EXOC6B: variants seen among roughly 807,000 people sequenced by gnomAD.
EXOC6B encodes the protein SEC15 homolog B.
EXOC6B carries 54 observed loss-of-function variants against 113.5 expected under a neutral mutation model. The observed-to-expected ratio is 0.48, with a 90% CI of 0.38 to 0.60. The LOEUF (loss-of-function observed/expected upper bound fraction) is 0.60. EXOC6B is among the 20% of genes least tolerant of loss of function. The pLI, the probability that EXOC6B is intolerant of heterozygous loss-of-function variation, is 0.00. For missense variants in EXOC6B, 797 were observed against 977.5 expected, an observed-to-expected ratio of 0.82 and a Z score of 2.46; for synonymous variants, 357 against 339.0, an observed-to-expected ratio of 1.05 and a Z score of -0.58.
chr2:72,753,794 C>T (rs1682215046), intron 1 of EXOC6B, among the ~76,000 whole-genome samples: 1 of 152,164 alleles, frequency 6.6e-6, no homozygotes, highest in African/African-American at 2.4e-5. Flanking sequence ...TTCCCTCTGC[C>T]TGCAATGTCC....
chr2:72,746,760 C>T (rs1371492279), intron 1 of EXOC6B, among the ~76,000 whole-genome samples: 1 of 151,980 alleles, frequency 6.6e-6, no homozygotes, highest in African/African-American at 2.4e-5. Context: ...AAACCTGTAA[C>T]CCAAGATGAA....
intron 3 of EXOC6B, among the ~76,000 whole-genome samples, chr2:72,732,210 G>A (rs911664292): frequency 3.3e-5 from 5 of 152,092 alleles, no homozygotes; most frequent in African/African-American, 7.2e-5. Context: ...GTGCAGTGGC[G>A]CAATCATGCC....
At chr2:72,269,064 C>T (rs1684317979) in intron 20 of EXOC6B, among the ~76,000 whole-genome samples, 1 of 152,114 alleles carries the variant, frequency 6.6e-6, no homozygotes, top group South Asian at 2.1e-4. Context: ...ATGGGCTTGC[C>T]TAGGCCTGGG....
chr2:72,764,364 C>CTTTTTTTTTTT (rs397869115), intron 1 of EXOC6B, among the ~76,000 whole-genome samples: 27 of 66,806 alleles, frequency 4.0e-4, no homozygotes, highest in East Asian at 6.0e-4. Context: ...TATTTTCTCT[C>CTTTTTTTTTTT]TTTTTTTTTT....
intron 20 of EXOC6B, among the ~76,000 whole-genome samples, chr2:72,195,143 G>A (rs544821698): frequency 6.6e-6 from 1 of 152,028 alleles, no homozygotes; most frequent in Non-Finnish European, 1.5e-5. Flanking sequence ...TTTCTCTCTT[G>A]GTAAAGAGAA....
chr2:72,657,441 A>G (rs1435953812), intron 6 of EXOC6B, among the ~76,000 whole-genome samples: 1 of 151,442 alleles, frequency 6.6e-6, no homozygotes, highest in Non-Finnish European at 1.5e-5. Flanking sequence ...CATATTGGCC[A>G]GGCTGGTCTC....
intron 20 of EXOC6B, among the ~76,000 whole-genome samples, chr2:72,230,899 T>TGAA (rs1432711848): frequency 6.6e-6 from 1 of 152,166 alleles, no homozygotes; most frequent in Non-Finnish European, 1.5e-5. Context: ...ATTCCTAAGA[T>TGAA]GAAGAAACAG....
chr2:72,696,322 T>C (rs1233179265), intron 6 of EXOC6B, among the ~76,000 whole-genome samples: 2 of 152,226 alleles, frequency 1.3e-5, no homozygotes, highest in African/African-American at 4.8e-5. Context: ...TCCTGTGGTT[T>C]GTAAATAATG....
intron 18 of EXOC6B, among the ~76,000 whole-genome samples, chr2:72,388,308 G>A (rs749248510): frequency 6.6e-6 from 1 of 152,100 alleles, no homozygotes; most frequent in Non-Finnish European, 1.5e-5. Flanking sequence ...TTGAGAAAGA[G>A]GTTATTTAGA....
rs975611587 is a variant in EXOC6B at position 72,176,024 on chromosome 2, C to G, written c.*3311G>C. ...GTATGTAGGCTTTCTTGTTTAATAGCAGTTAAAAGAGGAAAATGTACAAGA... is the reference window on the plus strand; with the variant it reads ...GTATGTAGGCTTTCTTGTTTAATAGGAGTTAAAAGAGGAAAATGTACAAGA... On this transcript the variant is annotated 3_prime_UTR_variant, in exon 22 of 22. Transcript: ENST00000272427. 1.3e-5 allele frequency: 2 copies of G among 152,186 alleles called. No individual in the cohort carries two copies. Among genetic ancestry groups the G allele is most frequent in the African/African-American group, 4.8e-5 (2 of 41,448 alleles). 9.4% of individuals were successfully genotyped at this position (152,186 alleles called of 1,614,324 possible).
intron 6 of EXOC6B, among the ~76,000 whole-genome samples, chr2:72,632,810 T>C (rs868583925): frequency 3.3e-5 from 5 of 152,104 alleles, no homozygotes; most frequent in Non-Finnish European, 5.9e-5. Context: ...GCCTCCCAAA[T>C]AGCTGGGACT....
At chr2:72,220,112 T>C (rs1680775116) in intron 20 of EXOC6B, among the ~76,000 whole-genome samples, 1 of 152,188 alleles carries the variant, frequency 6.6e-6, no homozygotes, top group Non-Finnish European at 1.5e-5. Context: ...AAATACTACA[T>C]AAATGTTTTA....
intron 20 of EXOC6B, among the ~76,000 whole-genome samples, chr2:72,266,142 T>C (rs1359693496): frequency 6.6e-6 from 1 of 152,114 alleles, no homozygotes; most frequent in Non-Finnish European, 1.5e-5. Flanking sequence ...TCATTGTAGA[T>C]TCTGGATATT....
At chr2:72,441,902 T>C (rs577985122) in intron 18 of EXOC6B, among the ~76,000 whole-genome samples, 1 of 152,208 alleles carries the variant, frequency 6.6e-6, no homozygotes, top group Non-Finnish European at 1.5e-5. Flanking sequence ...ATGCAATCTA[T>C]GAGGCCAGCC....
intron 1 of EXOC6B, among the ~76,000 whole-genome samples, chr2:72,819,728 C>T (rs1051071489): frequency 1.2e-4 from 18 of 152,190 alleles, no homozygotes; most frequent in Non-Finnish European, 1.8e-4. Flanking sequence ...TACCATGGCA[C>T]CCCATCTACA....
Position 72,545,710 on chromosome 2 carries a change from T to C in EXOC6B, c.915+13743A>G, listed in dbSNP as rs539676273. On this transcript the variant is annotated intron_variant, in intron 8 of 21. Transcript: ENST00000272427. ...TATAAAATCCAAGATGCTATTATGT[T>C]AATATATATAAACAACAACCCTTCA... is the stretch of plus-strand genomic sequence containing the variant. Among the ~76,000 whole-genome samples, 94 of 152,210 alleles carry C rather than the reference T, an allele frequency of 6.2e-4. 1 individual carries two copies. Among genetic ancestry groups the C allele is most frequent in the African/African-American group, 1.3e-3 (53 of 41,450 alleles).
chr2:72,494,420 T>C (rs1655937676), intron 15 of EXOC6B, among the ~76,000 whole-genome samples: 1 of 152,192 alleles, frequency 6.6e-6, no homozygotes, highest in Non-Finnish European at 1.5e-5. Flanking sequence ...AGAACATTTC[T>C]ATGAAAACAA....
At chr2:72,712,570 T>C (rs982928255) in intron 6 of EXOC6B, among the ~76,000 whole-genome samples, 8 of 152,218 alleles carry the variant, frequency 5.3e-5, no homozygotes, top group African/African-American at 1.7e-4. Flanking sequence ...TTACAGCAAC[T>C]CAAGGCTGCC....
At chr2:72,656,037 C>T (rs1301827784) in intron 6 of EXOC6B, among the ~76,000 whole-genome samples, 1 of 151,908 alleles carries the variant, frequency 6.6e-6, no homozygotes, top group Non-Finnish European at 1.5e-5. Flanking sequence ...TGAAATGTGA[C>T]ACTTTTTAAG....
Sources: allele counts gnomAD v4.1 joint callset (sites outside exome capture counted in the v4.1 genomes callset), GRCh38; gene constraint gnomAD v4.1.1; transcripts MANE v1.5; gene names NCBI Gene and HGNC (gene_info 2026-07-23, HGNC 2026-07-21).